Variants in NKAIN2 observed in about 807,000 individuals in gnomAD.
NKAIN2 encodes the protein sodium/potassium-transporting ATPase subunit beta-1-interacting protein 2.
In NKAIN2, 14 loss-of-function variants were observed where a neutral mutation model predicts 32.6. That is an observed-to-expected ratio of 0.43 (90% confidence interval 0.28 to 0.67). NKAIN2 has a LOEUF of 0.67. NKAIN2 is among the 30% of genes least tolerant of loss of function. NKAIN2 has a pLI of 0.17. For missense variants in NKAIN2, 198 were observed against 258.3 expected, an observed-to-expected ratio of 0.77 and a Z score of 1.60; for synonymous variants, 80 against 87.2, an observed-to-expected ratio of 0.92 and a Z score of 0.46.
Position 124,682,706 on chromosome 6 carries a change from T to C in NKAIN2, c.474+24320T>C, listed in dbSNP as rs145300497. On this transcript the variant is annotated intron_variant, in intron 4 of 6. Coordinates refer to ENST00000368417, the MANE Select transcript of NKAIN2 (RefSeq NM_001040214.3). ...ACTTGATCTACATTTCAGGACAGTATCAATTAATGCTCTCCAATATTAAGA... is the reference window on the plus strand; with the variant it reads ...ACTTGATCTACATTTCAGGACAGTACCAATTAATGCTCTCCAATATTAAGA... Among the ~76,000 whole-genome samples, 130 of 152,304 alleles carry C rather than the reference T, an allele frequency of 8.5e-4. 1 individual carries two copies. The highest frequency in any genetic ancestry group is 6.8e-3 in the Middle Eastern group (2 of 294).
intron 4 of NKAIN2, among the ~76,000 whole-genome samples, chr6:124,774,336 A>G (rs572870636): frequency 6.6e-6 from 1 of 152,314 alleles, no homozygotes; most frequent in Non-Finnish European, 1.5e-5. Context: ...TAATGTCAGA[A>G]AAAGAAGAGT....
chr6:124,028,633 C>T (rs2114778850), intron 1 of NKAIN2, among the ~76,000 whole-genome samples: 1 of 148,794 alleles, frequency 6.7e-6, no homozygotes, highest in African/African-American at 2.6e-5. Context: ...AATAAATACA[C>T]ATTGTTTGGT....
intron 4 of NKAIN2, among the ~76,000 whole-genome samples, chr6:124,730,361 G>C (rs946397822): frequency 9.4e-6 from 1 of 106,882 alleles, no homozygotes; most frequent in Admixed American, 1.1e-4. Flanking sequence ...CCAAAACAGA[G>C]ATATAGATCA....
At chr6:124,341,344 G>C (rs1798105117) in intron 2 of NKAIN2, among the ~76,000 whole-genome samples, 1 of 151,988 alleles carries the variant, frequency 6.6e-6, no homozygotes, top group South Asian at 2.1e-4. Flanking sequence ...TCAGGTAACA[G>C]AATATAGAGC....
intron 2 of NKAIN2, among the ~76,000 whole-genome samples, chr6:124,348,246 CT>C (rs370002771): frequency 0.016 from 2,435 of 152,132 alleles, 78 homozygotes; most frequent in African/African-American, 0.056. Context: ...TCTGCCCCCA[CT>C]GGGGGGTGCC....
intron 1 of NKAIN2, among the ~76,000 whole-genome samples, chr6:124,176,335 G>A (rs1436304411): frequency 6.6e-6 from 1 of 152,118 alleles, no homozygotes; most frequent in Admixed American, 6.5e-5. Flanking sequence ...TATGCCCATA[G>A]TTTGGTTCCA....
At chr6:124,631,810 C>T (rs558796137) in intron 3 of NKAIN2, among the ~76,000 whole-genome samples, 1 of 152,208 alleles carries the variant, frequency 6.6e-6, no homozygotes, top group South Asian at 2.1e-4. Context: ...CGAGGTTCCC[C>T]ATTTAACATA....
intron 4 of NKAIN2, among the ~76,000 whole-genome samples, chr6:124,709,606 G>T (rs1290573691): frequency 2.7e-5 from 4 of 149,736 alleles, no homozygotes; most frequent in Non-Finnish European, 4.5e-5. Context: ...ATTTCTTCTA[G>T]ATTTTCTAGT....
chr6:124,383,961 C>T (rs1333250771), intron 3 of NKAIN2, among the ~76,000 whole-genome samples: 1 of 152,134 alleles, frequency 6.6e-6, no homozygotes, highest in Non-Finnish European at 1.5e-5. Context: ...ATTAATTATA[C>T]CTACATTAGA....
chr6:124,743,080 G>A (rs756136681), intron 4 of NKAIN2, among the ~76,000 whole-genome samples: 50 of 151,982 alleles, frequency 3.3e-4, no homozygotes, highest in Non-Finnish European at 6.9e-4. Flanking sequence ...GGACACTGTG[G>A]CATCACAGAG....
At chr6:124,822,069 C>T (rs1388843494) in intron 6 of NKAIN2, among the ~76,000 whole-genome samples, 1 of 152,174 alleles carries the variant, frequency 6.6e-6, no homozygotes, top group African/African-American at 2.4e-5. Flanking sequence ...GCCACATTTC[C>T]ATACATGGCT....
chr6:124,317,346 G>GTC (rs1796999223), intron 2 of NKAIN2, among the ~76,000 whole-genome samples: 1 of 152,074 alleles, frequency 6.6e-6, no homozygotes, highest in Non-Finnish European at 1.5e-5. Context: ...TTGAATCAAA[G>GTC]TCTGTGTCTG....
At chr6:124,563,589 C>T (rs748153959) in intron 3 of NKAIN2, among the ~76,000 whole-genome samples, 2 of 152,240 alleles carry the variant, frequency 1.3e-5, no homozygotes, top group African/African-American at 2.4e-5. Flanking sequence ...CCCTGTAAAA[C>T]CAGGGTTCGT....
chr6:124,263,808 T>C (rs1006635889), intron 1 of NKAIN2, among the ~76,000 whole-genome samples: 1 of 142,550 alleles, frequency 7.0e-6, no homozygotes, highest in African/African-American at 2.8e-5. Context: ...AGTTCTTTGT[T>C]ACACTGTTAC....
chr6:124,268,357 T>A (rs1023152054), intron 1 of NKAIN2, among the ~76,000 whole-genome samples: 1 of 152,226 alleles, frequency 6.6e-6, no homozygotes, highest in Non-Finnish European at 1.5e-5. Context: ...CCTAAGCAAA[T>A]TGGACCCCTT....
intron 1 of NKAIN2, among the ~76,000 whole-genome samples, chr6:123,807,493 AT>A (rs1773267717): frequency 6.6e-6 from 1 of 152,070 alleles, no homozygotes; most frequent in East Asian, 1.9e-4. Flanking sequence ...GCAATGGTGG[AT>A]GTAGTGGTAT....
At chr6:123,806,863 C>T (rs897959018) in intron 1 of NKAIN2, among the ~76,000 whole-genome samples, 3 of 151,942 alleles carry the variant, frequency 2.0e-5, no homozygotes, top group Non-Finnish European at 4.4e-5. Context: ...ATCTCCAGTC[C>T]TCGGAGCAAA....
At chr6:124,516,598 T>G (rs79843584) in intron 3 of NKAIN2, among the ~76,000 whole-genome samples, 4,469 of 152,232 alleles carry the variant, frequency 0.029, 184 homozygotes, top group East Asian at 0.14. Context: ...CTGCAGACAT[T>G]TACATTTGCC....
At chr6:124,401,241 A>G (rs1230341022) in intron 3 of NKAIN2, among the ~76,000 whole-genome samples, 1 of 152,112 alleles carries the variant, frequency 6.6e-6, no homozygotes. Flanking sequence ...CTGGGAAGGT[A>G]TGGGTACTTC....
Sources: gnomAD v4.1 joint callset for allele counts (sites outside exome capture counted in the v4.1 genomes callset) on GRCh38, gnomAD v4.1.1 for gene constraint, MANE v1.5 for transcripts, NCBI Gene and HGNC (gene_info 2026-07-23, HGNC 2026-07-21) for gene names.